The following UPF3B variants were observed in gnomAD, a reference collection of about 807,000 sequenced individuals.
UPF3B encodes the protein UPF3B regulator of nonsense mediated mRNA decay.
A neutral mutation model predicts 40.3 loss-of-function variants in UPF3B; 7 were observed. That is an observed-to-expected ratio of 0.17 (90% CI 0.10 to 0.33). The LOEUF is 0.33. Ranked by LOEUF, UPF3B falls within the 10% of genes least tolerant of loss-of-function variation. UPF3B has a pLI of 1.00. For missense variants in UPF3B, 229 were observed against 358.9 expected (o/e 0.64, Z 2.93); for synonymous variants, 117 against 117.3 (o/e 1.00, Z 0.01).
Position 119,834,540 on chromosome X carries a change from T to G in UPF3B, c.*338A>C. The G allele has an allele frequency of 1.1e-6, 1 of 906,524 alleles. No individual in the cohort carries two copies. The highest frequency in any genetic ancestry group is 1.4e-6 in the Non-Finnish European group (1 of 734,566). 74.7% of individuals were successfully genotyped at this position (906,524 alleles called of 1,213,427 possible). On this transcript the variant is annotated 3_prime_UTR_variant, in exon 11 of 11. Coordinates refer to ENST00000276201, the MANE Select transcript of UPF3B (RefSeq NM_080632.3). ...ATTCAGGATGAACAACAGCTTTTGA[T>G]TTTAGAACCAGCTCTTACTTTTCTC...
At chrX:119,820,329 T>A (rs1347068303) in intron 4 of UPF3B, among the ~76,000 whole-genome samples, 1 of 107,779 alleles carries the variant, frequency 9.3e-6, no homozygotes, top group Non-Finnish European at 1.9e-5. Flanking sequence ...TTTGTATTTT[T>A]TGGTAGAGAT....
chrX:119,847,778 T>A (rs777309933), intron 3 of UPF3B, among the ~76,000 whole-genome samples: 58 of 101,323 alleles, frequency 5.7e-4, no homozygotes, highest in Non-Finnish European at 9.9e-4. Context: ...AAATAAATAA[T>A]AAAATAAAAA....
Position 119,841,103 on chromosome X carries a change from G to C in UPF3B, c.780C>G (p.Asp260Glu). The change falls in exon 7 of 11, where the codon GAC becomes GAG. Residue 260 changes from aspartate to glutamate, a missense_variant. By Grantham distance (45) the Asp-to-Glu change is conservative. Around this residue, in one of 3 missense-constraint regions of UPF3B, gnomAD observed 87 missense variants for 184.2 expected, o/e 0.47. Coordinates refer to ENST00000276201, the MANE Select transcript of UPF3B (RefSeq NM_080632.3). Reference sequence around the variant, plus strand: ...TAATCTTTGGTTCATCCTTTAATTTGTCCCTTTCTGGAATTCTGTCTATCT... The same window carrying C: ...TAATCTTTGGTTCATCCTTTAATTTCTCCCTTTCTGGAATTCTGTCTATCT... ...LKKIDRIPER[D>E]KLKDEPKIKV... 8.3e-7 allele frequency: 1 copy of C among 1,208,431 alleles called. No homozygotes were observed. The highest frequency in any genetic ancestry group is 1.8e-5 in the South Asian group (1 of 56,360).
rs755360545 is a variant in UPF3B, at chrX:119,822,276, G to A, written c.494+666C>T. Among the ~76,000 whole-genome samples the A allele has an allele frequency of 2.7e-5, 3 of 111,435 alleles. No homozygotes were observed. The South Asian group carries it at 1.2e-3, about 45-fold the overall frequency. ...GCTTCTACACTACCCAAAGTCAACA[G>A]TTATCATTAGCAATGCAATAGAAAT... On this transcript the variant is annotated intron_variant, in intron 4 of 6. Transcript: ENST00000636792.
chrX:119,829,117 G>A (rs924679138), downstream of UPF3B, among the ~76,000 whole-genome samples: 4 of 111,824 alleles, frequency 3.6e-5, no homozygotes, highest in Non-Finnish European at 3.8e-5. Context: ...CGCCTCCCCG[G>A]TTCAAGCGAT....
At chrX:119,850,061 G>C (rs929656939) in intron 3 of UPF3B, among the ~76,000 whole-genome samples, 6 of 90,327 alleles carry the variant, frequency 6.6e-5, no homozygotes, top group South Asian at 9.3e-4. Context: ...AGGCTGAGGT[G>C]GGGGGGGGGA....
chrX:119,828,029 C>T (rs1438731626), intron 3 of UPF3B, among the ~76,000 whole-genome samples: 2 of 107,257 alleles, frequency 1.9e-5, no homozygotes, highest in African/African-American at 3.5e-5. Flanking sequence ...ACGCCGTGCC[C>T]GACCTTTTTT....
At chrX:119,828,670 TA>T (rs1225152101) in intron 3 of UPF3B, among the ~76,000 whole-genome samples, 2,893 of 93,046 alleles carry the variant, frequency 0.031, 83 homozygotes, top group African/African-American at 0.087. Context: ...AGTCTTTACT[TA>T]AAAAAAAAAA....
chrX:119,822,017 T>C (rs1485437278), intron 4 of UPF3B, among the ~76,000 whole-genome samples: 1 of 111,546 alleles, frequency 9.0e-6, no homozygotes, highest in Non-Finnish European at 1.9e-5. Flanking sequence ...CAAACTAGAT[T>C]GTCAAGAATC....
chrX:119,814,820 ACTC>A (rs1471866194), intron 5 of UPF3B, among the ~76,000 whole-genome samples: 1 of 92,300 alleles, frequency 1.1e-5, no homozygotes, highest in Non-Finnish European at 2.2e-5. Context: ...GGCAAAACTT[ACTC>A]CTCTGCTGCA....
chrX:119,849,850 G>A (rs2056279367), intron 3 of UPF3B, among the ~76,000 whole-genome samples: 1 of 111,328 alleles, frequency 9.0e-6, no homozygotes, highest in African/African-American at 3.3e-5. Flanking sequence ...AAGTGTGACT[G>A]TTTAAGGCTA....
chrX:119,807,581 C>A, exon 6 of UPF3B: 1 of 799,531 alleles, frequency 1.3e-6, no homozygotes. Flanking sequence ...CCTGGATGAT[C>A]CTGAAGTATA....
chrX:119,841,038 T>G (rs1241987674), intron 7 of UPF3B, 38 bp downstream of exon 7: 4 of 1,200,239 alleles, frequency 3.3e-6, no homozygotes. Context: ...ATACGTGCAA[T>G]TTTTAGCAAC....
At chrX:119,818,474 G>A (rs977198760) in intron 4 of UPF3B, among the ~76,000 whole-genome samples, 27 of 110,610 alleles carry the variant, frequency 2.4e-4, no homozygotes, top group African/African-American at 8.6e-4. Flanking sequence ...CCAACTACTT[G>A]GGAGGCTGAG....
intron 4 of UPF3B, among the ~76,000 whole-genome samples, chrX:119,821,925 G>A (rs183464955): frequency 8.9e-6 from 1 of 112,273 alleles, no homozygotes; most frequent in African/African-American, 3.2e-5. Flanking sequence ...GAAACTAAAA[G>A]TTGATATGTA....
In UPF3B at chrX:119,834,844, A is replaced by G. The variant is rs1238453262; in HGVS notation, c.*34T>C. The stretch of plus-strand genomic sequence containing the variant: ...CTTAACGTGTGCTCTTTGGCTGCCT[A>G]GACAGTCAGGACACCTAAGGCCATC... On this transcript the variant is annotated 3_prime_UTR_variant, in exon 11 of 11. Transcript: ENST00000276201. The G allele has an allele frequency of 8.3e-7, 1 of 1,210,525 alleles. No homozygotes were observed. The highest frequency in any genetic ancestry group is 1.1e-6 in the Non-Finnish European group (1 of 895,464).
chrX:119,822,654 C>A lies in UPF3B; in HGVS notation c.494+288G>T, dbSNP rs372062266. The stretch of plus-strand genomic sequence containing the variant: ...TAGAGCCTCCCTAGTGTCACCCAGG[C>A]TAGAGTGCAGTGGCACGATCATGGC... On this transcript the variant is annotated intron_variant, in intron 4 of 6. Coordinates refer to the UPF3B transcript ENST00000636792. 2.4e-3 allele frequency among the ~76,000 whole-genome samples: 268 copies of A among 111,261 alleles called. 1 individual carries two copies. The highest frequency in any genetic ancestry group is 7.9e-3 in the African/African-American group (242 of 30,609).
chrX:119,811,712 G>A lies in UPF3B; in HGVS notation c.602+3488C>T, dbSNP rs1214657419. 9.9e-5 allele frequency among the ~76,000 whole-genome samples: 11 copies of A among 110,620 alleles called. No homozygotes were observed. In the Admixed American group the frequency reaches 1.1e-3, roughly 11 times the overall value. ...CATACCTGTAATCCCAGCACTTTGC[G>A]AGGCTAAGGTGGGCGGATTGCTTGA... On this transcript the variant is annotated intron_variant, in intron 5 of 6. Coordinates refer to the UPF3B transcript ENST00000636792.
intron 3 of UPF3B, among the ~76,000 whole-genome samples, chrX:119,825,513 G>C (rs975541488): frequency 9.0e-6 from 1 of 111,463 alleles, no homozygotes; most frequent in Non-Finnish European, 1.9e-5. Context: ...AAATCTTTTT[G>C]CACCAAAATA....
Sources: gnomAD v4.1 joint callset for allele counts (sites outside exome capture counted in the v4.1 genomes callset) on GRCh38, gnomAD v4.1.1 for gene constraint, gnomAD v4.1.1 regional missense constraint, MANE v1.5 for transcripts, NCBI Gene and HGNC (gene_info 2026-07-23, HGNC 2026-07-21) for gene names.